The following KIAA0586 variants were observed in gnomAD, a reference collection of about 807,000 sequenced individuals.
The protein encoded by KIAA0586 is KIAA0586, also known as protein TALPID3.
KIAA0586 carries 144 observed loss-of-function variants against 169.8 expected under a neutral mutation model. The ratio of observed to expected loss-of-function variants is 0.85; its 90% CI spans 0.74 to 0.97. The LOEUF (loss-of-function observed/expected upper bound fraction) is 0.97. KIAA0586 is among the 50% of genes least tolerant of loss of function. The pLI, the probability that KIAA0586 is intolerant of heterozygous loss-of-function variation, is 0.00. For synonymous variants in KIAA0586, 625 were observed against 612.4 expected (o/e 1.02, Z -0.30); for missense variants, 1,854 against 1,823.0 (o/e 1.02, Z -0.31).
chr14:58,464,198 G>C (rs1007109795), intron 14 of KIAA0586: 1 of 328,260 alleles, frequency 3.0e-6, no homozygotes, highest in South Asian at 2.6e-5. Flanking sequence ...ATGGAATCTG[G>C]AACATCATTT....
intron 12 of KIAA0586, among the ~76,000 whole-genome samples, 152 bp from the exon 13 acceptor site, chr14:58,459,691 A>G (rs963535389): frequency 2.0e-5 from 3 of 152,046 alleles, no homozygotes; most frequent in African/African-American, 7.2e-5. Context: ...ATTTTTATAT[A>G]TCCAATAAAG....
At position 58,428,229 on chromosome 14, in the gene KIAA0586, G is replaced by T; in HGVS notation, c.-36G>T. ...TTAAGGAAACAGAGAAAGTTTTTCC[G>T]TCCTTAAGTGTGGGACTTGTTTTGT... On this transcript the variant is annotated 5_prime_UTR_variant, in exon 1 of 31. Coordinates refer to ENST00000652326, the MANE Select transcript of KIAA0586 (RefSeq NM_001329943.3). 1 of 1,598,342 alleles carries T rather than the reference G, an allele frequency of 6.3e-7. No homozygotes were observed. The highest frequency in any genetic ancestry group is 8.5e-7 in the Non-Finnish European group (1 of 1,172,922).
At chr14:58,533,048 A>T (rs1176133542) in intron 29 of KIAA0586, among the ~76,000 whole-genome samples, 2 of 152,222 alleles carry the variant, frequency 1.3e-5, no homozygotes, top group Non-Finnish European at 2.9e-5. Flanking sequence ...TTTCTTGGGA[A>T]TATAATTGCA....
At position 58,460,065 on chromosome 14, in the gene KIAA0586, A is replaced by C. The variant is rs191704222; in HGVS notation, c.1879A>C (p.Lys627Gln). The change falls in exon 13 of 31, where the codon AAG becomes CAG. Residue 627 changes from lysine (K) to glutamine (Q), a missense_variant. Transcript: ENST00000652326. ...MPASSLQKER[K>Q]EGLLKATTVI... is the part of the protein sequence containing the mutation. ...TGCTTCAAGTTTACAGAAAGAGAGA[A>C]AGGAAGTAAGATCCTAATCTGTTCT... 1.4e-6 allele frequency: 2 copies of C among 1,477,540 alleles called. No homozygotes were observed. The highest frequency in any genetic ancestry group is 2.5e-5 in the East Asian group (1 of 40,450). 91.5% of individuals were successfully genotyped at this position (1,477,540 alleles called of 1,614,324 possible). A position where few individuals can be genotyped will look rare whatever the true frequency, so the allele number is the denominator to read the frequency against.
chr14:58,454,751 T>G (rs77055620), intron 9 of KIAA0586, among the ~76,000 whole-genome samples: 1 of 152,208 alleles, frequency 6.6e-6, no homozygotes, highest in African/African-American at 2.4e-5. Flanking sequence ...TTTGAGGCCT[T>G]TCTTCTTGAC....
At chr14:58,445,956 C>T (rs972299139) in intron 6 of KIAA0586, among the ~76,000 whole-genome samples, 2 of 151,542 alleles carry the variant, frequency 1.3e-5, no homozygotes, top group Admixed American at 6.6e-5. Context: ...GCAGCCTCCG[C>T]CTCCCATGTT....
intron 21 of KIAA0586, among the ~76,000 whole-genome samples, chr14:58,486,247 C>T (rs1437481214): frequency 6.6e-6 from 1 of 152,120 alleles, no homozygotes; most frequent in African/African-American, 2.4e-5. Flanking sequence ...ATTATGGCCT[C>T]CAGCTCCATC....
chr14:58,485,998 G>C, intron 21 of KIAA0586, among the ~76,000 whole-genome samples: 1 of 152,086 alleles, frequency 6.6e-6, no homozygotes, highest in Middle Eastern at 3.4e-3. Flanking sequence ...CTTTTATTTA[G>C]GTATAGGGGG....
At chr14:58,456,604 A>T in intron 9 of KIAA0586, 98 bp from the exon 10 acceptor site, 1 of 673,192 alleles carries the variant, frequency 1.5e-6, no homozygotes, top group Non-Finnish European at 2.6e-6. Flanking sequence ...CTAAGACTGT[A>T]TCAAAGATTT....
Position 58,428,171 on chromosome 14 carries a change from AT to A in KIAA0586, c.-92del. 1 of 1,499,046 alleles carries A rather than the reference AT, an allele frequency of 6.7e-7. No homozygotes were observed. The highest frequency in any genetic ancestry group is 8.9e-7 in the Non-Finnish European group (1 of 1,127,400). 92.9% of individuals were successfully genotyped at this position (1,499,046 alleles called of 1,614,324 possible). ...GATGTTCGACATTTTAAAAACAGTT[AT>A]TGCAAAGAGGTGAAAATTTTGTTCT... On this transcript the variant is annotated 5_prime_UTR_variant, in exon 1 of 31. In the 5' UTR this introduces an upstream ATG that the reference lacks. Transcript: ENST00000652326.
chr14:58,428,425 C>A lies in KIAA0586; in HGVS notation c.161C>A (p.Pro54His), dbSNP rs575279042. Residue 54 changes from proline to histidine, a missense_variant, in exon 1 of 31, where the codon CCT becomes CAT. Pro to His is a moderately conservative substitution (Grantham distance 77). Coordinates refer to ENST00000652326, the MANE Select transcript of KIAA0586 (RefSeq NM_001329943.3). ...GCATTGTCTGCAAATAAACGTCTTCCTGTTGGAACGGGGACTAGTTTGAAT... is the reference window on the plus strand; with the variant it reads ...GCATTGTCTGCAAATAAACGTCTTCATGTTGGAACGGGGACTAGTTTGAAT... ...PPALSANKRL[P>H]VGTGTSLNGT... The A allele has an allele frequency of 6.2e-7, 1 of 1,613,904 alleles. No homozygotes were observed. The highest frequency in any genetic ancestry group is 8.5e-7 in the Non-Finnish European group (1 of 1,179,830).
At chr14:58,440,074 A>G (rs2038183340) in intron 4 of KIAA0586, 1 of 224,384 alleles carries the variant, frequency 4.5e-6, no homozygotes, top group Non-Finnish European at 9.0e-6. Context: ...TTCTAGAGAC[A>G]GGGTTTGCCA....
intron 1 of KIAA0586, 38 bp from the exon 2 acceptor site, chr14:58,429,325 T>G: frequency 7.8e-7 from 1 of 1,277,728 alleles, no homozygotes; most frequent in Non-Finnish European, 1.1e-6. Context: ...AAGGATCTGA[T>G]TTTAAAATCA....
chr14:58,518,930 G>A (rs897535003), intron 29 of KIAA0586, among the ~76,000 whole-genome samples: 10 of 152,156 alleles, frequency 6.6e-5, no homozygotes, highest in African/African-American at 2.2e-4. Flanking sequence ...TCAGGAGTTC[G>A]AGACCAGCCT....
At chr14:58,518,213 TTTG>T (rs568407160) in intron 29 of KIAA0586, among the ~76,000 whole-genome samples, 192 of 152,282 alleles carry the variant, frequency 1.3e-3, no homozygotes, top group African/African-American at 4.5e-3. Flanking sequence ...TATAAAAGGT[TTTG>T]TTGTTAAAAG....
chr14:58,515,878 C>T (rs1403593234), intron 29 of KIAA0586, among the ~76,000 whole-genome samples: 2 of 151,082 alleles, frequency 1.3e-5, no homozygotes, highest in East Asian at 3.9e-4. Context: ...GTCACTTTCA[C>T]CCTAACTATA....
chr14:58,428,793 T>G (rs1417551309), intron 1 of KIAA0586, among the ~76,000 whole-genome samples: 3 of 151,950 alleles, frequency 2.0e-5, no homozygotes, highest in African/African-American at 7.3e-5. Flanking sequence ...TCCCCCAAAG[T>G]AGTGCTTTTT....
intron 10 of KIAA0586, 118 bp from the exon 11 acceptor site, chr14:58,457,641 A>T: frequency 1.6e-6 from 1 of 621,670 alleles, no homozygotes; most frequent in Non-Finnish European, 2.7e-6. Context: ...CAGTTTGACA[A>T]ATTGAGTCCT....
chr14:58,519,158 C>T (rs2044997410), intron 29 of KIAA0586, among the ~76,000 whole-genome samples: 1 of 152,132 alleles, frequency 6.6e-6, no homozygotes, highest in Non-Finnish European at 1.5e-5. Flanking sequence ...CAAAACAAAA[C>T]AGGGGAATAC....
Sources: gnomAD v4.1 joint callset for allele counts (sites outside exome capture counted in the v4.1 genomes callset) on GRCh38, gnomAD v4.1.1 for gene constraint, MANE v1.5 for transcripts, NCBI Gene and HGNC (gene_info 2026-07-23, HGNC 2026-07-21) for gene names.